Variants in PIBF1 observed in about 807,000 individuals in gnomAD.
PIBF1 encodes the protein progesterone immunomodulatory binding factor 1.
PIBF1 carries 90 observed loss-of-function variants against 112.5 expected under a neutral mutation model. That is an observed-to-expected ratio of 0.80 (90% CI 0.67 to 0.95). The LOEUF (loss-of-function observed/expected upper bound fraction) is 0.95, where lower values mean the gene tolerates loss of function less well. PIBF1 is among the 40% of genes least tolerant of loss of function. The pLI is 0.00. For missense variants in PIBF1, 915 were observed against 852.3 expected, an observed-to-expected ratio of 1.07 and a Z score of -0.92; for synonymous variants, 301 against 288.6, an observed-to-expected ratio of 1.04 and a Z score of -0.44.
intron 10 of PIBF1, among the ~76,000 whole-genome samples, chr13:72,867,386 T>C (rs1022639999): frequency 2.0e-5 from 3 of 152,206 alleles, no homozygotes; most frequent in African/African-American, 7.2e-5. Flanking sequence ...GAAAATGGAC[T>C]AATACAGTTA....
At chr13:72,879,747 C>T (rs941592687) in intron 10 of PIBF1, among the ~76,000 whole-genome samples, 4 of 152,096 alleles carry the variant, frequency 2.6e-5, no homozygotes, top group Admixed American at 1.3e-4. Context: ...TGTTTTTGGA[C>T]AGCCTGCAAG....
intron 14 of PIBF1, among the ~76,000 whole-genome samples, chr13:72,933,604 G>A (rs1402570706): frequency 6.6e-6 from 1 of 152,218 alleles, no homozygotes; most frequent in Non-Finnish European, 1.5e-5. Flanking sequence ...GGAGGTTGCA[G>A]TGAGCTGAGA....
chr13:72,950,980 GC>G (rs1293967221), intron 14 of PIBF1, among the ~76,000 whole-genome samples: 2 of 152,192 alleles, frequency 1.3e-5, no homozygotes, highest in African/African-American at 4.8e-5. Flanking sequence ...TCTGAAAGTG[GC>G]CAATCAGCAA....
intron 7 of PIBF1, 120 bp downstream of exon 7, chr13:72,827,238 A>T (rs983986732): frequency 2.3e-4 from 33 of 141,886 alleles, no homozygotes; most frequent in South Asian, 3.5e-4. Flanking sequence ...AAAAAGATAA[A>T]TTTTTTTTTT....
intron 6 of PIBF1, among the ~76,000 whole-genome samples, chr13:72,823,402 A>T (rs548132940): frequency 6.6e-6 from 1 of 152,202 alleles, no homozygotes; most frequent in Non-Finnish European, 1.5e-5. Flanking sequence ...AAAGAAAAAT[A>T]TAACCTTGAT....
intron 5 of PIBF1, among the ~76,000 whole-genome samples, chr13:72,801,375 T>G (rs1172571510): frequency 6.6e-6 from 1 of 151,686 alleles, no homozygotes; most frequent in Non-Finnish European, 1.5e-5. Context: ...ATAGAAAAAA[T>G]CAAGAAAAAG....
chr13:72,823,377 T>C (rs2036654423), intron 6 of PIBF1, among the ~76,000 whole-genome samples: 1 of 152,096 alleles, frequency 6.6e-6, no homozygotes, highest in Non-Finnish European at 1.5e-5. Flanking sequence ...TCATTTACTA[T>C]AATAAAAACC....
chr13:72,898,538 A>G (rs1399086431), intron 11 of PIBF1, among the ~76,000 whole-genome samples: 1 of 152,036 alleles, frequency 6.6e-6, no homozygotes, highest in Non-Finnish European at 1.5e-5. Context: ...GAAAAGATAA[A>G]TAAAATTGAT....
chr13:72,947,067 A>G (rs987883274), intron 14 of PIBF1, among the ~76,000 whole-genome samples: 1 of 152,356 alleles, frequency 6.6e-6, no homozygotes, highest in African/African-American at 2.4e-5. Context: ...GAGGTTCTCC[A>G]TGAGGGCTCT....
intron 17 of PIBF1, among the ~76,000 whole-genome samples, chr13:73,002,621 A>G (rs12872860): frequency 6.6e-6 from 1 of 152,130 alleles, no homozygotes; most frequent in Non-Finnish European, 1.5e-5. Context: ...TTTTCTCAAT[A>G]CCTTATTAAA....
intron 9 of PIBF1, among the ~76,000 whole-genome samples, chr13:72,849,107 G>A (rs1195856500): frequency 1.3e-5 from 2 of 152,046 alleles, no homozygotes; most frequent in Non-Finnish European, 2.9e-5. Flanking sequence ...CTCTCAGTAT[G>A]TCTCCATCCC....
At chr13:72,987,726 G>C (rs1196364872) in intron 16 of PIBF1, among the ~76,000 whole-genome samples, 1 of 147,218 alleles carries the variant, frequency 6.8e-6, no homozygotes, top group East Asian at 2.0e-4. Context: ...TGCCCAGGCT[G>C]GTCTCAAACT....
intron 14 of PIBF1, among the ~76,000 whole-genome samples, chr13:72,957,645 T>C (rs1281179200): frequency 6.6e-6 from 1 of 151,864 alleles, no homozygotes; most frequent in Non-Finnish European, 1.5e-5. Flanking sequence ...TACCACCTGT[T>C]CTCCAAAAAC....
At chr13:72,828,433 C>T (rs922779781) in intron 8 of PIBF1, among the ~76,000 whole-genome samples, 2 of 152,170 alleles carry the variant, frequency 1.3e-5, no homozygotes, top group African/African-American at 2.4e-5. Flanking sequence ...CCTAGCCCCC[C>T]ACTCCCCGAC....
intron 10 of PIBF1, among the ~76,000 whole-genome samples, chr13:72,880,564 A>G (rs2039582984): frequency 6.6e-6 from 1 of 152,230 alleles, no homozygotes; most frequent in Non-Finnish European, 1.5e-5. Context: ...TAATTATGAA[A>G]GCTGAGACAC....
At chr13:72,876,375 T>C (rs2039403689) in intron 10 of PIBF1, among the ~76,000 whole-genome samples, 1 of 152,066 alleles carries the variant, frequency 6.6e-6, no homozygotes, top group South Asian at 2.1e-4. Flanking sequence ...GTCAGTCTGC[T>C]AGTTTTATTC....
At chr13:72,872,884 A>G (rs910035906) in intron 10 of PIBF1, among the ~76,000 whole-genome samples, 1 of 152,236 alleles carries the variant, frequency 6.6e-6, no homozygotes, top group African/African-American at 2.4e-5. Context: ...AATTAACAAA[A>G]TATGAAGCAA....
intron 11 of PIBF1, among the ~76,000 whole-genome samples, chr13:72,907,899 G>A (rs184156796): frequency 9.2e-5 from 14 of 152,182 alleles, no homozygotes; most frequent in Middle Eastern, 3.4e-3. Flanking sequence ...CCATTGGAGT[G>A]TAGGATTTTT....
chr13:72,930,437 T>G (rs1382859441), intron 13 of PIBF1, among the ~76,000 whole-genome samples: 1 of 152,172 alleles, frequency 6.6e-6, no homozygotes, highest in Non-Finnish European at 1.5e-5. Context: ...TCAAAATTAT[T>G]AGCAGTTCTT....
Sources: allele counts gnomAD v4.1 joint callset (sites outside exome capture counted in the v4.1 genomes callset), GRCh38; gene constraint gnomAD v4.1.1; transcripts MANE v1.5; gene names NCBI Gene and HGNC (gene_info 2026-07-23, HGNC 2026-07-21).